Variants in ARHGEF3 observed in about 807,000 individuals in gnomAD.
ARHGEF3 encodes Rho guanine nucleotide exchange factor 3.
In ARHGEF3, 28 loss-of-function variants were observed where a neutral mutation model predicts 63.2. That is an observed-to-expected ratio of 0.44 (90% CI 0.33 to 0.61). The LOEUF (loss-of-function observed/expected upper bound fraction) is 0.61, where lower values mean the gene tolerates loss of function less well. Ranked by LOEUF, ARHGEF3 falls within the 20% of genes least tolerant of loss-of-function variation. The probability of loss-of-function intolerance (pLI) is 0.03; values close to 1 mark genes in which losing one functional copy is unlikely to be tolerated. For synonymous variants in ARHGEF3, 266 were observed against 254.2 expected (o/e 1.05, Z -0.44); for missense variants, 533 against 659.3 (o/e 0.81, Z 2.10).
intron 1 of ARHGEF3, among the ~76,000 whole-genome samples, chr3:56,774,099 T>A (rs2036161734): frequency 6.6e-6 from 1 of 152,204 alleles, no homozygotes; most frequent in Admixed American, 6.5e-5. Context: ...TGCCAGCTTT[T>A]AATTCAGAAG....
intron 4 of ARHGEF3, among the ~76,000 whole-genome samples, chr3:56,881,600 T>C (rs865986965): frequency 2.0e-5 from 3 of 152,016 alleles, no homozygotes; most frequent in Non-Finnish European, 1.5e-5. Flanking sequence ...TCACCAATAG[T>C]CAACTACCAA....
intron 1 of ARHGEF3, chr3:57,073,844 A>G (rs763338402): frequency 2.5e-6 from 4 of 1,614,032 alleles, no homozygotes; most frequent in Non-Finnish European, 3.4e-6. Flanking sequence ...CCCACTGTGC[A>G]CTGGCATCAT....
chr3:56,814,712 T>C (rs950584491), intron 4 of ARHGEF3, among the ~76,000 whole-genome samples: 1 of 152,198 alleles, frequency 6.6e-6, no homozygotes, highest in Non-Finnish European at 1.5e-5. Flanking sequence ...TTGGAGAACT[T>C]TTCCAACACT....
At chr3:57,035,888 G>A (rs989691194) in intron 1 of ARHGEF3, among the ~76,000 whole-genome samples, 1 of 152,212 alleles carries the variant, frequency 6.6e-6, no homozygotes, top group African/African-American at 2.4e-5. Context: ...AGCCACCCCT[G>A]TCACCTTAGA....
At chr3:56,949,359 A>G (rs1482633209) in intron 3 of ARHGEF3, among the ~76,000 whole-genome samples, 1 of 151,976 alleles carries the variant, frequency 6.6e-6, no homozygotes, top group Non-Finnish European at 1.5e-5. Context: ...TGCAGATGAC[A>G]TGATTGTATA....
Position 56,850,881 on chromosome 3 carries a change from TTA to T in ARHGEF3, c.192+31409_192+31410del, listed in dbSNP as rs375744016. Among the ~76,000 whole-genome samples, 483 of 152,270 alleles carry T rather than the reference TTA, an allele frequency of 3.2e-3. 4 individuals carry two copies. Among genetic ancestry groups the T allele is most frequent in the African/African-American group, 0.011 (452 of 41,552 alleles). On this transcript the variant is annotated intron_variant, in intron 4 of 12. Transcript: ENST00000338458. ...ATCTAATCCTATCCTCATAACAACA[TTA>T]TGAGGTAGGCACTATTATTATCTCC... is the stretch of plus-strand genomic sequence containing the variant.
intron 4 of ARHGEF3, among the ~76,000 whole-genome samples, chr3:56,819,403 C>T (rs534679564): frequency 6.6e-6 from 1 of 152,252 alleles, no homozygotes; most frequent in South Asian, 2.1e-4. Context: ...AGTTTTTCTT[C>T]TGAGAAGCTT....
At chr3:56,929,350 T>C (rs1366108388) in intron 3 of ARHGEF3, among the ~76,000 whole-genome samples, 2 of 152,192 alleles carry the variant, frequency 1.3e-5, no homozygotes, top group African/African-American at 4.8e-5. Flanking sequence ...TACATGCCAA[T>C]TTCCATCACC....
At chr3:56,936,300 G>T (rs1257723028) in intron 3 of ARHGEF3, among the ~76,000 whole-genome samples, 1 of 152,056 alleles carries the variant, frequency 6.6e-6, no homozygotes, top group Non-Finnish European at 1.5e-5. Context: ...GAGAGAAGGG[G>T]AATGAAACTG....
At chr3:57,013,911 G>A (rs112539920) in intron 2 of ARHGEF3, among the ~76,000 whole-genome samples, 4,315 of 152,280 alleles carry the variant, frequency 0.028, 199 homozygotes, top group African/African-American at 0.098. Context: ...CAGGCTGCCG[G>A]AGCCAGCAGC....
chr3:56,830,323 C>T (rs1194315462), intron 4 of ARHGEF3, among the ~76,000 whole-genome samples: 1 of 151,944 alleles, frequency 6.6e-6, no homozygotes, highest in Admixed American at 6.6e-5. Context: ...ACAACCTTGG[C>T]CCGTGTGCTA....
chr3:56,900,502 G>T (rs912399454), intron 3 of ARHGEF3, among the ~76,000 whole-genome samples: 1 of 151,970 alleles, frequency 6.6e-6, no homozygotes, highest in East Asian at 1.9e-4. Flanking sequence ...ATGGTGGCAC[G>T]CACTGTAGTC....
chr3:56,794,188 C>A (rs2037225614), intron 1 of ARHGEF3, among the ~76,000 whole-genome samples: 1 of 151,946 alleles, frequency 6.6e-6, no homozygotes, highest in African/African-American at 2.4e-5. Flanking sequence ...AGGGATAACA[C>A]ATAAGAAAGT....
intron 4 of ARHGEF3, among the ~76,000 whole-genome samples, chr3:56,807,175 C>T (rs569441398): frequency 2.6e-5 from 4 of 152,214 alleles, no homozygotes; most frequent in East Asian, 1.9e-4. Context: ...TGGGAGCCAC[C>T]GCGCCAGGCC....
chr3:56,907,427 G>A (rs1282335580), intron 3 of ARHGEF3, among the ~76,000 whole-genome samples: 11 of 152,128 alleles, frequency 7.2e-5, no homozygotes, highest in Non-Finnish European at 1.5e-4. Context: ...CAACCATTAT[G>A]GAAATCAGTG....
intron 2 of ARHGEF3, among the ~76,000 whole-genome samples, chr3:57,001,480 G>A (rs573202713): frequency 1.8e-4 from 27 of 152,266 alleles, no homozygotes; most frequent in African/African-American, 6.3e-4. Flanking sequence ...GCATCCTTTT[G>A]TCCTTTTTAA....
intron 3 of ARHGEF3, among the ~76,000 whole-genome samples, chr3:56,958,050 G>T (rs777926436): frequency 2.0e-5 from 3 of 152,212 alleles, no homozygotes; most frequent in South Asian, 2.1e-4. Flanking sequence ...CAAATTTTAT[G>T]ATTCCTAAAA....
At chr3:56,941,247 G>A (rs1483872693) in intron 3 of ARHGEF3, among the ~76,000 whole-genome samples, 6 of 152,212 alleles carry the variant, frequency 3.9e-5, no homozygotes, top group Non-Finnish European at 7.3e-5. Context: ...TCGCTCTGTC[G>A]CATAGGCTGG....
chr3:56,886,826 G>C (rs147459170), intron 3 of ARHGEF3, among the ~76,000 whole-genome samples: 231 of 152,256 alleles, frequency 1.5e-3, no homozygotes, highest in African/African-American at 5.5e-3. Context: ...AAAAGGGGCA[G>C]GAATTTGTCC....
Sources: allele counts gnomAD v4.1 joint callset (sites outside exome capture counted in the v4.1 genomes callset), GRCh38; gene constraint gnomAD v4.1.1; transcripts MANE v1.5; gene names NCBI Gene and HGNC (gene_info 2026-07-23, HGNC 2026-07-21).